Variants in TMEM132D observed in about 807,000 individuals in gnomAD.
TMEM132D encodes the protein mature OL transmembrane protein.
In TMEM132D, 21 loss-of-function variants were observed where a neutral mutation model predicts 62.3. The ratio of observed to expected loss-of-function variants is 0.34; its 90% CI spans 0.24 to 0.49. The LOEUF (loss-of-function observed/expected upper bound fraction) is 0.49, where lower values mean the gene tolerates loss of function less well. Among genes scored for constraint, TMEM132D ranks in the 20% least tolerant of loss-of-function variants. The pLI is 0.99. For synonymous variants in TMEM132D, 621 were observed against 575.6 expected (o/e 1.08, Z -1.13); for missense variants, 1,346 against 1,402.8 (o/e 0.96, Z 0.65).
At chr12:129,780,342 G>A (rs11060550) in intron 1 of TMEM132D, among the ~76,000 whole-genome samples, 7 of 144,404 alleles carry the variant, frequency 4.8e-5, no homozygotes, top group East Asian at 2.8e-4. Flanking sequence ...GGTGGGGAGG[G>A]GGGGGGCCGG....
intron 3 of TMEM132D, among the ~76,000 whole-genome samples, chr12:129,520,801 G>A (rs548043128): frequency 2.6e-5 from 4 of 152,286 alleles, no homozygotes; most frequent in Non-Finnish European, 2.9e-5. Context: ...AGACACTCAC[G>A]TGGTCTCATT....
At chr12:129,637,562 G>A (rs1184220701) in intron 2 of TMEM132D, among the ~76,000 whole-genome samples, 1 of 152,120 alleles carries the variant, frequency 6.6e-6, no homozygotes, top group African/African-American at 2.4e-5. Flanking sequence ...CTCCTGGTCT[G>A]GCCATGTAAA....
intron 4 of TMEM132D, among the ~76,000 whole-genome samples, chr12:129,216,154 C>G (rs1278017933): frequency 6.6e-6 from 1 of 152,176 alleles, no homozygotes; most frequent in Non-Finnish European, 1.5e-5. Flanking sequence ...TTCTCTTCAG[C>G]TATAACATGA....
chr12:129,212,881 G>A (rs1879095643), intron 4 of TMEM132D, among the ~76,000 whole-genome samples: 1 of 152,126 alleles, frequency 6.6e-6, no homozygotes, highest in South Asian at 2.1e-4. Context: ...TATTTTTCCT[G>A]GGGGCTCACT....
intron 2 of TMEM132D, among the ~76,000 whole-genome samples, chr12:129,610,648 C>T (rs1593087702): frequency 1.3e-5 from 2 of 152,058 alleles, no homozygotes; most frequent in African/African-American, 4.8e-5. Context: ...TTGCATAGAG[C>T]CATGTCCAGC....
In TMEM132D at chr12:129,660,055, A is replaced by G. The variant is rs969477217; in HGVS notation, c.968+39755T>C. 5.9e-5 allele frequency among the ~76,000 whole-genome samples: 9 copies of G among 152,182 alleles called. No individual in the cohort carries two copies. In the East Asian group the frequency reaches 1.7e-3, roughly 29 times the overall value. Reference sequence around the variant, plus strand: ...TTGAGTCACCATCTCTATTCCCTGGAAAGGGGAAGAGTTATGCCTGCCAGG... The same window carrying G: ...TTGAGTCACCATCTCTATTCCCTGGGAAGGGGAAGAGTTATGCCTGCCAGG... On this transcript the variant is annotated intron_variant, in intron 2 of 8. Coordinates refer to ENST00000422113, the MANE Select transcript of TMEM132D (RefSeq NM_133448.3).
chr12:129,259,009 T>C (rs1172679584), intron 4 of TMEM132D, among the ~76,000 whole-genome samples: 2 of 152,176 alleles, frequency 1.3e-5, no homozygotes, highest in African/African-American at 4.8e-5. Flanking sequence ...AGGATGTGTC[T>C]TGGGTAGAGT....
intron 4 of TMEM132D, among the ~76,000 whole-genome samples, chr12:129,225,069 T>C (rs1436796120): frequency 6.6e-6 from 1 of 152,178 alleles, no homozygotes; most frequent in Non-Finnish European, 1.5e-5. Context: ...TCAGTTCCTA[T>C]GCCTACTAGC....
chr12:129,415,562 C>G (rs992357486), intron 3 of TMEM132D, among the ~76,000 whole-genome samples: 1 of 152,252 alleles, frequency 6.6e-6, no homozygotes, highest in Non-Finnish European at 1.5e-5. Flanking sequence ...CCCACAGGAA[C>G]TGTGACTCAC....
chr12:129,343,385 A>G (rs920019005), intron 3 of TMEM132D, among the ~76,000 whole-genome samples: 3 of 145,644 alleles, frequency 2.1e-5, no homozygotes, highest in Non-Finnish European at 3.0e-5. Context: ...ATGAGAACAC[A>G]TGGACAGAGG....
chr12:129,720,430 G>GA (rs1264632458), intron 1 of TMEM132D, among the ~76,000 whole-genome samples: 2 of 152,052 alleles, frequency 1.3e-5, no homozygotes, highest in Admixed American at 6.6e-5. Flanking sequence ...GTAAATACTG[G>GA]AAAAAATGAA....
intron 1 of TMEM132D, among the ~76,000 whole-genome samples, chr12:129,899,393 TAATGGATGGATGCATGGATGGATG>T (rs1473898406): frequency 1.8e-5 from 2 of 110,916 alleles, no homozygotes; most frequent in Non-Finnish European, 3.6e-5. Context: ...GATGGGTGGA[TAATGGATGGATGCATGGATGGATG>T]GATGGATGGA....
chr12:129,419,254 C>T (rs1444172774), intron 3 of TMEM132D, among the ~76,000 whole-genome samples: 1 of 152,190 alleles, frequency 6.6e-6, no homozygotes, highest in Admixed American at 6.5e-5. Flanking sequence ...GTGGGGTCAC[C>T]GAACCTCTGC....
intron 4 of TMEM132D, among the ~76,000 whole-genome samples, chr12:129,258,871 T>C (rs1880478451): frequency 6.6e-6 from 1 of 152,184 alleles, no homozygotes; most frequent in Admixed American, 6.5e-5. Context: ...AAAGAAAAGG[T>C]GGGCGATGTG....
chr12:129,276,116 C>A (rs1323082641), intron 4 of TMEM132D, among the ~76,000 whole-genome samples: 1 of 152,138 alleles, frequency 6.6e-6, no homozygotes, highest in Non-Finnish European at 1.5e-5. Flanking sequence ...GGTTCTTCCC[C>A]CAAACTAGAT....
At chr12:129,344,087 G>T (rs1005168280) in intron 3 of TMEM132D, among the ~76,000 whole-genome samples, 1 of 152,036 alleles carries the variant, frequency 6.6e-6, no homozygotes, top group African/African-American at 2.4e-5. Context: ...TCTTACTTTC[G>T]GGAATGTCCT....
intron 5 of TMEM132D, among the ~76,000 whole-genome samples, chr12:129,136,445 G>C (rs1422776449): frequency 1.3e-5 from 2 of 152,242 alleles, no homozygotes; most frequent in South Asian, 2.1e-4. Flanking sequence ...CCTCAGTTTG[G>C]ATAGTCCAGT....
intron 5 of TMEM132D, among the ~76,000 whole-genome samples, chr12:129,119,314 A>G (rs1054550059): frequency 4.6e-5 from 7 of 152,186 alleles, no homozygotes; most frequent in Non-Finnish European, 2.9e-5. Flanking sequence ...TCAAAAACAC[A>G]CCCACACTCA....
At chr12:129,364,690 G>C (rs1870351141) in intron 3 of TMEM132D, among the ~76,000 whole-genome samples, 1 of 152,154 alleles carries the variant, frequency 6.6e-6, no homozygotes, top group African/African-American at 2.4e-5. Context: ...GGAAGGAGTA[G>C]ACCTCTTACT....
Sources: gnomAD v4.1 joint callset for allele counts (sites outside exome capture counted in the v4.1 genomes callset) on GRCh38, gnomAD v4.1.1 for gene constraint, MANE v1.5 for transcripts, NCBI Gene and HGNC (gene_info 2026-07-23, HGNC 2026-07-21) for gene names.